DOCK1: variants seen among roughly 807,000 people sequenced by gnomAD.
DOCK1 encodes the protein dedicator of cytokinesis 1.
DOCK1 carries 138 observed loss-of-function variants against 262.7 expected under a neutral mutation model. That is an observed-to-expected ratio of 0.53 (90% CI 0.46 to 0.61). The LOEUF (loss-of-function observed/expected upper bound fraction) is 0.61. Among genes scored for constraint, DOCK1 ranks in the 20% least tolerant of loss-of-function variants. The pLI is 0.00. For missense variants in DOCK1, 1,908 were observed against 2,370.7 expected (o/e 0.80, Z 4.05); for synonymous variants, 866 against 867.4 (o/e 1.00, Z 0.03).
chr10:127,250,526 C>G (rs1030758941), intron 28 of DOCK1, among the ~76,000 whole-genome samples: 21 of 152,110 alleles, frequency 1.4e-4, no homozygotes, highest in Non-Finnish European at 2.5e-4. Context: ...CGTGGTGGCT[C>G]ACGCCTGTAA....
chr10:127,375,028 G>A (rs760453762), intron 35 of DOCK1, among the ~76,000 whole-genome samples: 6 of 152,266 alleles, frequency 3.9e-5, no homozygotes, highest in African/African-American at 9.6e-5. Context: ...ACGCCTGGGC[G>A]ACCTTGGCTG....
At chr10:127,400,204 G>A (rs2067141182) in intron 38 of DOCK1, among the ~76,000 whole-genome samples, 1 of 151,034 alleles carries the variant, frequency 6.6e-6, no homozygotes, top group South Asian at 2.1e-4. Flanking sequence ...AAAAGCAGAT[G>A]GTTTCTTTAC....
chr10:127,183,515 T>G (rs781559000), intron 27 of DOCK1, among the ~76,000 whole-genome samples: 4 of 152,204 alleles, frequency 2.6e-5, no homozygotes, highest in Non-Finnish European at 5.9e-5. Flanking sequence ...TGAGCTTCTA[T>G]TCCTAAGCTG....
chr10:127,015,837 C>G (rs1437448249), intron 12 of DOCK1: 3 of 152,538 alleles, frequency 2.0e-5, no homozygotes, highest in African/African-American at 4.8e-5. Flanking sequence ...CAGAGCCTGA[C>G]TCTTGTTCCT....
At chr10:127,441,095 G>A (rs750574121) in intron 49 of DOCK1, among the ~76,000 whole-genome samples, 10 of 152,212 alleles carry the variant, frequency 6.6e-5, no homozygotes, top group Non-Finnish European at 1.0e-4. Flanking sequence ...TTTAAGCTCC[G>A]TTTTAAGATG....
chr10:127,358,855 G>A (rs952789248), intron 32 of DOCK1, among the ~76,000 whole-genome samples: 1 of 152,120 alleles, frequency 6.6e-6, no homozygotes, highest in Admixed American at 6.5e-5. Context: ...ACACCCACAG[G>A]GAGGCTTCTG....
At chr10:126,952,237 T>C (rs1234209114) in intron 1 of DOCK1, among the ~76,000 whole-genome samples, 2 of 151,960 alleles carry the variant, frequency 1.3e-5, no homozygotes, top group African/African-American at 2.4e-5. Context: ...TTGTTGGTAG[T>C]GTTGTAGGTG....
intron 28 of DOCK1, among the ~76,000 whole-genome samples, chr10:127,251,525 TC>T (rs1302791465): frequency 1.2e-5 from 1 of 85,426 alleles, no homozygotes; most frequent in Non-Finnish European, 2.2e-5. Context: ...ATGCTATCCC[TC>T]CCCCCTCCCC....
chr10:127,004,784 C>CCCCCA (rs1554970531), intron 10 of DOCK1, among the ~76,000 whole-genome samples: 11 of 98,396 alleles, frequency 1.1e-4, no homozygotes, highest in Non-Finnish European at 1.3e-4. Flanking sequence ...CCCCCCGCCC[C>CCCCCA]AAAAAAAAGA....
At chr10:127,005,409 T>G (rs949689261) in intron 10 of DOCK1, among the ~76,000 whole-genome samples, 1 of 152,190 alleles carries the variant, frequency 6.6e-6, no homozygotes, top group Admixed American at 6.5e-5. Context: ...GTATTCTATC[T>G]GTTCATAGGC....
At chr10:126,943,672 C>G (rs2134274299) in intron 1 of DOCK1, among the ~76,000 whole-genome samples, 1 of 152,214 alleles carries the variant, frequency 6.6e-6, no homozygotes, top group Admixed American at 6.5e-5. Flanking sequence ...AAGTAGGCAG[C>G]CACAAGACAG....
At chr10:127,125,160 G>A (rs1283383989) in intron 25 of DOCK1, among the ~76,000 whole-genome samples, 1 of 152,166 alleles carries the variant, frequency 6.6e-6, no homozygotes. Context: ...ATGTGTGTTT[G>A]TGTCTGCATT....
At chr10:126,966,634 C>A (rs2037700254) in intron 1 of DOCK1, among the ~76,000 whole-genome samples, 1 of 152,086 alleles carries the variant, frequency 6.6e-6, no homozygotes, top group African/African-American at 2.4e-5. Flanking sequence ...TTTTCCTGGG[C>A]AGCTTTTTTA....
chr10:127,384,699 C>A, intron 37 of DOCK1, 91 bp from the exon 38 acceptor site: 2 of 1,386,066 alleles, frequency 1.4e-6, no homozygotes, highest in African/African-American at 2.9e-5. Flanking sequence ...AGAACCGCGG[C>A]CCACACGCGT....
At chr10:127,448,729 G>A (rs141698664) in intron 51 of DOCK1, among the ~76,000 whole-genome samples, 7 of 152,008 alleles carry the variant, frequency 4.6e-5, no homozygotes, top group African/African-American at 4.8e-5. Context: ...TTATATGGCC[G>A]CAAAACTCCT....
At chr10:127,333,624 G>T (rs1430193344) in intron 29 of DOCK1, among the ~76,000 whole-genome samples, 1 of 152,130 alleles carries the variant, frequency 6.6e-6, no homozygotes, top group African/African-American at 2.4e-5. Context: ...CCATCCACCC[G>T]CCCTTTTTGT....
At chr10:127,333,309 C>T (rs1818604613) in intron 29 of DOCK1, among the ~76,000 whole-genome samples, 1 of 152,138 alleles carries the variant, frequency 6.6e-6, no homozygotes, top group South Asian at 2.1e-4. Flanking sequence ...CTGGAAGTTC[C>T]CTGCCTTTCT....
At chr10:127,317,831 A>T (rs1237332756) in intron 29 of DOCK1, among the ~76,000 whole-genome samples, 3 of 152,136 alleles carry the variant, frequency 2.0e-5, no homozygotes, top group African/African-American at 7.2e-5. Context: ...TTCTTGGAAG[A>T]TACCTGAGCT....
intron 27 of DOCK1, among the ~76,000 whole-genome samples, chr10:127,174,727 C>T (rs575130088): frequency 6.6e-6 from 1 of 152,222 alleles, no homozygotes; most frequent in African/African-American, 2.4e-5. Flanking sequence ...TCCTGAATAC[C>T]AATATTATTT....
Sources: gnomAD v4.1 joint callset for allele counts (sites outside exome capture counted in the v4.1 genomes callset) on GRCh38, gnomAD v4.1.1 for gene constraint, MANE v1.5 for transcripts, NCBI Gene and HGNC (gene_info 2026-07-23, HGNC 2026-07-21) for gene names.